CLIC5: variants seen among roughly 807,000 people sequenced by gnomAD.
The protein encoded by CLIC5 is CLIC family member 5.
CLIC5 carries 20 observed loss-of-function variants against 24.7 expected under a neutral mutation model. The ratio of observed to expected loss-of-function variants is 0.81; its 90% CI spans 0.57 to 1.18. The LOEUF (loss-of-function observed/expected upper bound fraction) is 1.18. CLIC5 is among the 50% of genes most tolerant of loss of function. The probability of loss-of-function intolerance (pLI) is 0.00; values close to 1 mark genes in which losing one functional copy is unlikely to be tolerated. For synonymous variants in CLIC5, 159 were observed against 135.6 expected (o/e 1.17, Z -1.20); for missense variants, 341 against 326.1 (o/e 1.05, Z -0.35).
At chr6:45,957,578 A>C (rs1462783512) in intron 1 of CLIC5, among the ~76,000 whole-genome samples, 1 of 152,150 alleles carries the variant, frequency 6.6e-6, no homozygotes, top group Non-Finnish European at 1.5e-5. Context: ...GTCAGTGTGC[A>C]ATCAGCTATG....
intron 3 of CLIC5, among the ~76,000 whole-genome samples, chr6:45,942,197 T>C (rs1298748106): frequency 6.6e-6 from 1 of 152,196 alleles, no homozygotes; most frequent in Non-Finnish European, 1.5e-5. Flanking sequence ...GCTTATTATT[T>C]GTGTGCAGTA....
At chr6:45,895,732 T>C (rs1762388200), downstream of CLIC5, among the ~76,000 whole-genome samples, 1 of 152,222 alleles carries the variant, frequency 6.6e-6, no homozygotes, top group African/African-American at 2.4e-5. Context: ...GGAGCTTAGT[T>C]TGTAATTGGG....
intron 2 of CLIC5, among the ~76,000 whole-genome samples, chr6:45,952,296 A>G (rs562830500): frequency 6.6e-6 from 1 of 152,344 alleles, no homozygotes; most frequent in East Asian, 1.9e-4. Flanking sequence ...TATCATTAGC[A>G]TTGGATGACG....
At chr6:45,908,795 C>T (rs1762731985) in intron 5 of CLIC5, among the ~76,000 whole-genome samples, 1 of 152,012 alleles carries the variant, frequency 6.6e-6, no homozygotes, top group Non-Finnish European at 1.5e-5. Context: ...GTCCAATTGT[C>T]AAGTGTTGAA....
At chr6:46,120,002 G>A in the CLIC5 span, among the ~76,000 whole-genome samples, 1 of 152,358 alleles carries the variant, frequency 6.6e-6, no homozygotes, top group South Asian at 2.1e-4. Context: ...CTCCACCTCT[G>A]GGGGCAGGGC....
intron 1 of CLIC5, among the ~76,000 whole-genome samples, chr6:46,049,463 T>C (rs964190113): frequency 6.6e-6 from 1 of 152,150 alleles, no homozygotes; most frequent in Non-Finnish European, 1.5e-5. Flanking sequence ...ATAGGAATAG[T>C]TGACTGATAT....
intron 1 of CLIC5, among the ~76,000 whole-genome samples, chr6:46,026,441 T>C (rs1767334029): frequency 1.3e-5 from 2 of 152,210 alleles, no homozygotes; most frequent in Admixed American, 1.3e-4. Flanking sequence ...TAAGTAGTTC[T>C]CTTTAATCTA....
At chr6:46,118,292 G>A in the CLIC5 span, among the ~76,000 whole-genome samples, 1 of 152,200 alleles carries the variant, frequency 6.6e-6, no homozygotes, top group Non-Finnish European at 1.5e-5. Context: ...CAGAAAAGTT[G>A]CCTCTATCTT....
upstream of CLIC5, among the ~76,000 whole-genome samples, chr6:46,083,846 C>T (rs1397730995): frequency 3.8e-4 from 58 of 151,776 alleles, no homozygotes; most frequent in African/African-American, 1.4e-3. Context: ...CTTTCTGTCT[C>T]GTTGATCTGT....
chr6:46,111,630 T>G, the CLIC5 span, among the ~76,000 whole-genome samples: 4 of 152,348 alleles, frequency 2.6e-5, no homozygotes, highest in Admixed American at 6.5e-5. Flanking sequence ...TCCCTTCCTT[T>G]TCCTCTCTAT....
At chr6:46,061,235 G>A (rs186773295) in intron 1 of CLIC5, among the ~76,000 whole-genome samples, 8 of 152,252 alleles carry the variant, frequency 5.3e-5, no homozygotes, top group Admixed American at 1.3e-4. Context: ...CTGTCACCAG[G>A]CTGGAGTGCA....
At chr6:46,119,299 C>T in the CLIC5 span, among the ~76,000 whole-genome samples, 39 of 152,342 alleles carry the variant, frequency 2.6e-4, no homozygotes, top group Middle Eastern at 3.4e-3. Context: ...TGAATTTAAC[C>T]TCTGCCTGAT....
At chr6:46,091,488 C>T in the CLIC5 span, among the ~76,000 whole-genome samples, 1 of 152,148 alleles carries the variant, frequency 6.6e-6, no homozygotes, top group Non-Finnish European at 1.5e-5. Flanking sequence ...GTAATCCCAG[C>T]ACTTTGGGAG....
chr6:45,892,506 A>T (rs1219774804), intron 6 of CLIC5, among the ~76,000 whole-genome samples: 1 of 152,150 alleles, frequency 6.6e-6, no homozygotes, highest in East Asian at 1.9e-4. Flanking sequence ...GCCACAAGTG[A>T]TAGTTCAGAA....
chr6:45,925,306 T>C (rs1005280854), intron 4 of CLIC5, among the ~76,000 whole-genome samples: 2 of 150,630 alleles, frequency 1.3e-5, no homozygotes, highest in Non-Finnish European at 2.9e-5. Flanking sequence ...TGCCAACATG[T>C]CATTATTCCG....
At chr6:45,987,346 G>A (rs900977549) in intron 1 of CLIC5, among the ~76,000 whole-genome samples, 4 of 152,114 alleles carry the variant, frequency 2.6e-5, no homozygotes, top group Non-Finnish European at 4.4e-5. Context: ...TATCTCTTCT[G>A]CTAAACTGTG....
At chr6:46,092,916 AG>A in the CLIC5 span, among the ~76,000 whole-genome samples, 1 of 152,226 alleles carries the variant, frequency 6.6e-6, no homozygotes, top group Non-Finnish European at 1.5e-5. Flanking sequence ...GTACAAGATT[AG>A]GGATCTTGCA....
chr6:45,899,086 A>G lies in CLIC5; in HGVS notation c.*4002T>C, dbSNP rs1762444846. 1 of 152,234 alleles carries G rather than the reference A, an allele frequency of 6.6e-6. No homozygotes were observed. Among genetic ancestry groups the G allele is most frequent in the Admixed American group, 6.5e-5 (1 of 15,286 alleles). The allele number at this position is 152,234 out of a possible 1,614,324, so 9.4% of individuals were successfully genotyped here. On this transcript the variant is annotated 3_prime_UTR_variant, in exon 6 of 6. Transcript: ENST00000339561. The stretch of plus-strand genomic sequence containing the variant: ...CCTGACACTAAGCTGGGAGATGCAT[A>G]CTGACAAAGGGGAAGAATGTGTGTT...
chr6:46,069,608 T>C (rs879393079), intron 1 of CLIC5, among the ~76,000 whole-genome samples: 2 of 151,698 alleles, frequency 1.3e-5, no homozygotes, highest in Non-Finnish European at 2.9e-5. Context: ...AAAAAGCCCA[T>C]GACCAGAAAG....
Sources: allele counts gnomAD v4.1 joint callset (sites outside exome capture counted in the v4.1 genomes callset), GRCh38; gene constraint gnomAD v4.1.1; transcripts MANE v1.5; gene names NCBI Gene and HGNC (gene_info 2026-07-23, HGNC 2026-07-21).